Variants in UVRAG observed in about 807,000 individuals in gnomAD.
UVRAG encodes UV radiation resistance-associated gene protein.
In UVRAG, 19 loss-of-function variants were observed where a neutral mutation model predicts 78.0. The ratio of observed to expected loss-of-function variants is 0.24; its 90% confidence interval spans 0.17 to 0.36. The LOEUF is 0.36. Ranked by LOEUF, UVRAG falls within the 10% of genes least tolerant of loss-of-function variation. The pLI is 1.00. For synonymous variants in UVRAG, 323 were observed against 324.6 expected (o/e 1.00, Z 0.05); for missense variants, 740 against 853.8 (o/e 0.87, Z 1.66).
chr11:75,903,684 T>G (rs1813244575), intron 5 of UVRAG, among the ~76,000 whole-genome samples: 1 of 152,206 alleles, frequency 6.6e-6, no homozygotes, highest in African/African-American at 2.4e-5. Context: ...CTGTAGCTTT[T>G]TAAAAAGCCT....
chr11:75,853,680 C>G (rs181697152), intron 2 of UVRAG, among the ~76,000 whole-genome samples: 1 of 151,886 alleles, frequency 6.6e-6, no homozygotes, highest in African/African-American at 2.4e-5. Context: ...GAAAAGGACT[C>G]TAAATTCCAC....
At chr11:76,130,826 C>A (rs1329991036) in intron 14 of UVRAG, among the ~76,000 whole-genome samples, 2 of 152,144 alleles carry the variant, frequency 1.3e-5, no homozygotes, top group African/African-American at 4.8e-5. Flanking sequence ...TGAAAGCATT[C>A]TCTGACCAGG....
At chr11:76,036,459 G>A (rs1474273681) in intron 12 of UVRAG, among the ~76,000 whole-genome samples, 1 of 152,050 alleles carries the variant, frequency 6.6e-6, no homozygotes, top group East Asian at 1.9e-4. Context: ...GATCACTTGA[G>A]CCCAGGAGGT....
intron 13 of UVRAG, among the ~76,000 whole-genome samples, chr11:76,103,442 A>G (rs1951913529): frequency 6.6e-6 from 1 of 151,976 alleles, no homozygotes; most frequent in African/African-American, 2.4e-5. Context: ...TGAATTCATT[A>G]CTTTTTGTTA....
chr11:76,054,785 A>G (rs182155393), intron 12 of UVRAG, among the ~76,000 whole-genome samples: 1 of 152,214 alleles, frequency 6.6e-6, no homozygotes, highest in Non-Finnish European at 1.5e-5. Flanking sequence ...CTTCATGAAG[A>G]CAGGAACTTT....
At position 75,888,838 on chromosome 11, in the gene UVRAG, C is replaced by G; in HGVS notation, c.442C>G (p.Arg148Gly). The G allele has an allele frequency of 6.2e-7, 1 of 1,613,032 alleles. No individual in the cohort carries two copies. The highest frequency in any genetic ancestry group is 1.1e-5 in the South Asian group (1 of 90,900). Residue 148 changes from arginine (R) to glycine (G), a missense_variant, in exon 5 of 15, where the codon CGA (arginine) becomes GGA (glycine). Transcript: ENST00000356136. ...LKYLGQQIHARNQNEIIFGLN... is the reference protein window; with the variant it reads ...LKYLGQQIHAGNQNEIIFGLN... ...TTTCCTCCTCTCTTAGATTCATGCC[C>G]GAAACCAAAATGAAATAATTTTTGG...
chr11:75,870,987 A>G (rs1285452489), intron 3 of UVRAG, among the ~76,000 whole-genome samples: 1 of 151,616 alleles, frequency 6.6e-6, no homozygotes, highest in Non-Finnish European at 1.5e-5. Flanking sequence ...CTCCTGTCTC[A>G]GCCTCCCAAG....
At chr11:75,843,296 T>A (rs1945955855) in intron 1 of UVRAG, among the ~76,000 whole-genome samples, 1 of 152,230 alleles carries the variant, frequency 6.6e-6, no homozygotes, top group Admixed American at 6.5e-5. Flanking sequence ...ACAGAAATGA[T>A]CATTTTCTAA....
At chr11:75,981,649 C>G (rs1324373980) in intron 7 of UVRAG, among the ~76,000 whole-genome samples, 1 of 152,082 alleles carries the variant, frequency 6.6e-6, no homozygotes, top group Non-Finnish European at 1.5e-5. Context: ...CAGTCCTTCT[C>G]TGTTTCTCTT....
intron 6 of UVRAG, chr11:75,915,078 T>C (rs1947821288): frequency 6.6e-6 from 1 of 151,958 alleles, no homozygotes; most frequent in African/African-American, 2.4e-5. Flanking sequence ...ACCTCATCTC[T>C]ACTAAAAATA....
At chr11:75,904,592 A>C (rs557662348) in intron 5 of UVRAG, among the ~76,000 whole-genome samples, 1 of 152,276 alleles carries the variant, frequency 6.6e-6, no homozygotes, top group South Asian at 2.1e-4. Context: ...GAATTTTTAG[A>C]ATTGGAAAAG....
At chr11:75,902,974 T>A (rs1947538999) in intron 5 of UVRAG, among the ~76,000 whole-genome samples, 1 of 152,248 alleles carries the variant, frequency 6.6e-6, no homozygotes, top group South Asian at 2.1e-4. Context: ...CTGCTAGATG[T>A]GTCCAACTCT....
At chr11:76,065,207 G>T (rs1015153471) in intron 12 of UVRAG, among the ~76,000 whole-genome samples, 1 of 152,188 alleles carries the variant, frequency 6.6e-6, no homozygotes, top group Non-Finnish European at 1.5e-5. Context: ...AAATGTGAAT[G>T]AATATTTTAA....
At chr11:76,134,593 A>G (rs1256845720) in intron 14 of UVRAG, among the ~76,000 whole-genome samples, 2 of 152,096 alleles carry the variant, frequency 1.3e-5, no homozygotes, top group African/African-American at 2.4e-5. Flanking sequence ...TCTTCTACCT[A>G]TTACCCTGTG....
At chr11:75,834,110 T>C (rs1945723381) in intron 1 of UVRAG, among the ~76,000 whole-genome samples, 2 of 152,240 alleles carry the variant, frequency 1.3e-5, no homozygotes, top group Non-Finnish European at 2.9e-5. Flanking sequence ...ATAATGTCCT[T>C]TATAGAAATT....
At chr11:76,024,076 G>T (rs1950289376) in intron 12 of UVRAG, among the ~76,000 whole-genome samples, 1 of 152,172 alleles carries the variant, frequency 6.6e-6, no homozygotes, top group African/African-American at 2.4e-5. Context: ...CCTTCTCCTA[G>T]TGCCGTAATG....
At chr11:75,998,686 G>A (rs916598760) in intron 8 of UVRAG, among the ~76,000 whole-genome samples, 1 of 152,192 alleles carries the variant, frequency 6.6e-6, no homozygotes, top group Non-Finnish European at 1.5e-5. Flanking sequence ...GTTGGGGGCT[G>A]CTGTGTAATA....
Position 76,002,725 on chromosome 11 carries a change from G to T in UVRAG, c.827-1280G>T, listed in dbSNP as rs116770416. On this transcript the variant is annotated intron_variant, in intron 8 of 14. Coordinates refer to ENST00000356136, the MANE Select transcript of UVRAG (RefSeq NM_003369.4). ...CCTTGGTTAAATTCTGTTGGGGTCA[G>T]AGTTCCCAACTTACTGGTCTTCATA... is the stretch of plus-strand genomic sequence containing the variant. Among the ~76,000 whole-genome samples the T allele has an allele frequency of 9.4e-3, 1,425 of 152,248 alleles. 20 individuals carry two copies. The highest frequency in any genetic ancestry group is 0.033 in the African/African-American group (1,369 of 41,546).
chr11:76,089,502 A>G (rs1385985225), intron 13 of UVRAG, among the ~76,000 whole-genome samples: 1 of 152,216 alleles, frequency 6.6e-6, no homozygotes, highest in Non-Finnish European at 1.5e-5. Context: ...CAAAGAATGC[A>G]TGACGCGATG....
Sources: allele counts gnomAD v4.1 joint callset (sites outside exome capture counted in the v4.1 genomes callset), GRCh38; gene constraint gnomAD v4.1.1; transcripts MANE v1.5; gene names NCBI Gene and HGNC (gene_info 2026-07-23, HGNC 2026-07-21).